THNSL1: variants seen among roughly 807,000 people sequenced by gnomAD.
The protein encoded by THNSL1 is threonine synthase like 1.
Under a neutral mutation model 50.4 loss-of-function variants are expected in THNSL1, and 48 were observed. The observed-to-expected ratio is 0.95, with a 90% CI of 0.76 to 1.21. The LOEUF (loss-of-function observed/expected upper bound fraction) is 1.21, where lower values mean the gene tolerates loss of function less well. THNSL1 is among the 50% of genes most tolerant of loss of function. The pLI is 0.00. For synonymous variants in THNSL1, 309 were observed against 306.1 expected, an observed-to-expected ratio of 1.01 and a Z score of -0.10; for missense variants, 896 against 871.7, an observed-to-expected ratio of 1.03 and a Z score of -0.35.
At position 25,023,372 on chromosome 10, in the gene THNSL1, A is replaced by T; in HGVS notation, c.149A>T (p.His50Leu). 1 of 1,614,082 alleles carries T rather than the reference A, an allele frequency of 6.2e-7. No individual in the cohort carries two copies. Among genetic ancestry groups the T allele is most frequent in the Non-Finnish European group, 8.5e-7 (1 of 1,179,984 alleles). ...TTGAGGAAGTCATGGTATTCAACCCACTCTCTTGTTGGAGACAAAAATATT... is the reference window on the plus strand; with the variant it reads ...TTGAGGAAGTCATGGTATTCAACCCTCTCTCTTGTTGGAGACAAAAATATT... Reference protein sequence around the residue: ...AELRKSWYSTHSLVGDKNIIL... With the variant: ...AELRKSWYSTLSLVGDKNIIL... Residue 50 changes from histidine (H) to leucine (L), a missense_variant, in exon 3 of 3, where the codon CAC (histidine) becomes CTC (leucine). Physicochemically the swap from His to Leu is moderately conservative, Grantham distance 99. Coordinates refer to ENST00000376356, the MANE Select transcript of THNSL1 (RefSeq NM_024838.5).
the THNSL1 span, among the ~76,000 whole-genome samples, chr10:24,964,699 A>G: frequency 6.6e-6 from 1 of 152,248 alleles, no homozygotes; most frequent in Non-Finnish European, 1.5e-5. Context: ...CACAGTAATG[A>G]TATTTTAAAT....
At chr10:25,011,580 A>G in the THNSL1 span, among the ~76,000 whole-genome samples, 1 of 152,200 alleles carries the variant, frequency 6.6e-6, no homozygotes, top group African/African-American at 2.4e-5. Flanking sequence ...ACAAAAATTA[A>G]TTCAAGATGG....
Position 25,024,352 on chromosome 10 carries a change from G to T in THNSL1, c.1129G>T (p.Ala377Ser). Residue 377 changes from alanine to serine, a missense_variant, in exon 3 of 3, where the codon GCT becomes TCT. By Grantham distance (99) the Ala-to-Ser change is moderately conservative (BLOSUM62 1). Transcript: ENST00000376356. ...AAGTTGCAATTATATGATACTTGTA[G>T]CTACTTCAGGAGACACAGGGAGTGC... ...PPSCNYMILV[A>S]TSGDTGSAVL... is the part of the protein sequence containing the mutation. 1.2e-6 allele frequency: 2 copies of T among 1,614,066 alleles called. No individual in the cohort carries two copies. The highest frequency in any genetic ancestry group is 1.7e-6 in the Non-Finnish European group (2 of 1,180,032).
At chr10:24,979,947 C>A in the THNSL1 span, among the ~76,000 whole-genome samples, 7 of 152,252 alleles carry the variant, frequency 4.6e-5, no homozygotes, top group South Asian at 1.2e-3. Flanking sequence ...CCTCCCTCTT[C>A]CCCCGTTCAA....
the THNSL1 span, chr10:24,999,435 T>C: frequency 6.2e-7 from 1 of 1,612,004 alleles, no homozygotes; most frequent in East Asian, 2.2e-5. Context: ...AATGTTTCTT[T>C]AGGAAATCCT....
At chr10:24,965,645 T>G in the THNSL1 span, among the ~76,000 whole-genome samples, 11 of 152,226 alleles carry the variant, frequency 7.2e-5, no homozygotes, top group African/African-American at 2.2e-4. Flanking sequence ...CCTCTATGGA[T>G]GGATACTCAG....
At chr10:24,955,763 T>C in the THNSL1 span, among the ~76,000 whole-genome samples, 5 of 152,152 alleles carry the variant, frequency 3.3e-5, no homozygotes, top group South Asian at 2.1e-4. Flanking sequence ...CTGGGTAACA[T>C]TGTAAGACCA....
chr10:25,019,911 A>ATG (rs1188691801), intron 1 of THNSL1, among the ~76,000 whole-genome samples: 1 of 152,076 alleles, frequency 6.6e-6, no homozygotes. Flanking sequence ...TAAATGAACC[A>ATG]TGTGTAATGC....
At chr10:25,016,161 G>C (rs1850567027), upstream of THNSL1, 3 of 1,199,882 alleles carry the variant, frequency 2.5e-6, no homozygotes, top group African/African-American at 1.6e-5. Flanking sequence ...TTGACTGTGC[G>C]GTTGCCGTGG....
At chr10:24,965,564 A>G in the THNSL1 span, among the ~76,000 whole-genome samples, 3 of 152,262 alleles carry the variant, frequency 2.0e-5, no homozygotes, top group Non-Finnish European at 4.4e-5. Context: ...ATGAATATGG[A>G]AAATTAAGTT....
At chr10:24,956,543 T>C in the THNSL1 span, among the ~76,000 whole-genome samples, 1 of 151,880 alleles carries the variant, frequency 6.6e-6, no homozygotes, top group Non-Finnish European at 1.5e-5. Context: ...ATAATAGTTA[T>C]ACATATTATC....
At chr10:24,972,876 G>A in the THNSL1 span, among the ~76,000 whole-genome samples, 4,276 of 152,232 alleles carry the variant, frequency 0.028, 104 homozygotes, top group Non-Finnish European at 0.037. Context: ...TATCAGCAGG[G>A]AATACATTCT....
At chr10:24,977,065 G>A in the THNSL1 span, among the ~76,000 whole-genome samples, 1 of 152,132 alleles carries the variant, frequency 6.6e-6, no homozygotes, top group African/African-American at 2.4e-5. Flanking sequence ...CTTTCTTAAT[G>A]AGATCCACAA....
chr10:24,993,351 T>C, the THNSL1 span, among the ~76,000 whole-genome samples: 1 of 152,230 alleles, frequency 6.6e-6, no homozygotes, highest in Admixed American at 6.5e-5. Context: ...CAATATACTT[T>C]ATATAATTTA....
At chr10:25,016,483 C>G (rs1269897936), upstream of THNSL1, among the ~76,000 whole-genome samples, 1 of 152,196 alleles carries the variant, frequency 6.6e-6, no homozygotes. Flanking sequence ...GCTGAGACCA[C>G]GAGGACGCAA....
At chr10:25,003,506 C>T in the THNSL1 span, among the ~76,000 whole-genome samples, 1 of 152,186 alleles carries the variant, frequency 6.6e-6, no homozygotes, top group Non-Finnish European at 1.5e-5. Context: ...TGCGCCAAGC[C>T]TGTGTTTCTA....
chr10:24,972,216 G>C, the THNSL1 span, among the ~76,000 whole-genome samples: 1,194 of 141,940 alleles, frequency 8.4e-3, 15 homozygotes, highest in African/African-American at 0.027. Flanking sequence ...CTTTACAAAA[G>C]ATTACACTAG....
At chr10:24,997,807 T>TTATATATATATA in the THNSL1 span, among the ~76,000 whole-genome samples, 6 of 144,886 alleles carry the variant, frequency 4.1e-5, no homozygotes, top group African/African-American at 1.1e-4. Context: ...CACAAAGGAT[T>TTATATATATATA]TATATATATA....
the THNSL1 span, among the ~76,000 whole-genome samples, chr10:24,967,645 CGT>C: frequency 6.6e-6 from 1 of 151,492 alleles, no homozygotes; most frequent in Non-Finnish European, 1.5e-5. Context: ...CTCCTATGTG[CGT>C]GTGTGTGTAC....
Sources: gnomAD v4.1 joint callset for allele counts (sites outside exome capture counted in the v4.1 genomes callset) on GRCh38, gnomAD v4.1.1 for gene constraint, MANE v1.5 for transcripts, NCBI Gene and HGNC (gene_info 2026-07-23, HGNC 2026-07-21) for gene names.